The following BEST3 variants were observed in gnomAD, a reference collection of about 807,000 sequenced individuals.
BEST3 encodes bestrophin 3.
A neutral mutation model predicts 47.1 loss-of-function variants in BEST3; 50 were observed. The ratio of observed to expected loss-of-function variants is 1.06; its 90% CI spans 0.85 to 1.34. The LOEUF (loss-of-function observed/expected upper bound fraction) is 1.34. Ranked by LOEUF, BEST3 falls within the 40% of genes most tolerant of loss-of-function variation. The pLI, the probability that BEST3 is intolerant of heterozygous loss-of-function variation, is 0.00. For missense variants in BEST3, 765 were observed against 817.0 expected, an observed-to-expected ratio of 0.94 and a Z score of 0.78; for synonymous variants, 282 against 298.8, an observed-to-expected ratio of 0.94 and a Z score of 0.58.
chr12:69,697,812 T>C lies in BEST3; in HGVS notation c.-14A>G, dbSNP rs1886191253. ...AGTGACAGTCATCTTGGATAGTTTT[T>C]TCTAGAAGAGCAAGAAGACAAAACA... On this transcript the variant is annotated splice_region_variant and 5_prime_UTR_variant, in exon 2 of 10. Coordinates refer to ENST00000330891, the MANE Select transcript of BEST3 (RefSeq NM_032735.3). The C allele has an allele frequency of 2.5e-6, 4 of 1,597,578 alleles. No homozygotes were observed. Among genetic ancestry groups the C allele is most frequent in the Non-Finnish European group, 3.4e-6 (4 of 1,174,848 alleles).
Position 69,667,295 on chromosome 12 carries a change from T to G in BEST3, c.1100+4133A>C, listed in dbSNP as rs540865142. On this transcript the variant is annotated intron_variant, in intron 9 of 9. Transcript: ENST00000330891. The stretch of plus-strand genomic sequence containing the variant: ...CACTGGCTCCTAATTCATTCTTTTT[T>G]TCTTTTTTTGAGATGGAGTTTTGCT... 5.3e-5 allele frequency among the ~76,000 whole-genome samples: 8 copies of G among 152,264 alleles called. No homozygotes were observed. In the South Asian group the frequency reaches 8.3e-4, roughly 16 times the overall value.
chr12:69,650,033 A>G (rs1046522614), downstream of BEST3, among the ~76,000 whole-genome samples: 1 of 152,252 alleles, frequency 6.6e-6, no homozygotes, highest in Non-Finnish European at 1.5e-5. Flanking sequence ...ATTAACTCAG[A>G]GACAAAACAA....
intron 4 of BEST3, among the ~76,000 whole-genome samples, chr12:69,690,815 A>G (rs1885894875): frequency 6.6e-6 from 1 of 152,196 alleles, no homozygotes; most frequent in Non-Finnish European, 1.5e-5. Context: ...TGAGCTGTCT[A>G]GTAGCATTTT....
At chr12:69,670,492 G>T (rs997779250) in intron 9 of BEST3, 4 of 702,888 alleles carry the variant, frequency 5.7e-6, no homozygotes, top group Non-Finnish European at 1.0e-5. Flanking sequence ...AGCCTCAGAG[G>T]CCCCTTTGGA....
At chr12:69,677,378 T>C (rs1274144728) in intron 5 of BEST3, 121 bp from the exon 6 acceptor site, 1 of 840,414 alleles carries the variant, frequency 1.2e-6, no homozygotes, top group African/African-American at 1.7e-5. Context: ...AGTAAACTGA[T>C]TCCCAAGGAT....
chr12:69,671,123 A>G (rs1884542401), intron 9 of BEST3, among the ~76,000 whole-genome samples: 1 of 152,200 alleles, frequency 6.6e-6, no homozygotes, highest in Admixed American at 6.5e-5. Context: ...CTATCTGTTC[A>G]TTTCCTAGAT....
intron 4 of BEST3, among the ~76,000 whole-genome samples, chr12:69,680,044 A>G (rs1333287485): frequency 6.6e-6 from 1 of 152,098 alleles, no homozygotes; most frequent in African/African-American, 2.4e-5. Context: ...GAATTACCTG[A>G]GATGATGAAC....
chr12:69,644,871 T>C (rs1182661650), intron 9 of BEST3, among the ~76,000 whole-genome samples: 1 of 152,244 alleles, frequency 6.6e-6, no homozygotes, highest in African/African-American at 2.4e-5. Flanking sequence ...ATTTTTAGTA[T>C]AATTGATAAA....
chr12:69,677,387 A>T, intron 5 of BEST3, 130 bp from the exon 6 acceptor site: 1 of 795,342 alleles, frequency 1.3e-6, no homozygotes, highest in Non-Finnish European at 2.1e-6. Context: ...ATTCCCAAGG[A>T]TACTCCAAAA....
chr12:69,697,544 T>C, intron 2 of BEST3, 103 bp downstream of exon 2: 1 of 913,624 alleles, frequency 1.1e-6, no homozygotes, highest in South Asian at 2.2e-5. Context: ...AAAAAAGGAG[T>C]TCCATAATGC....
chr12:69,693,599 AGAATTTTCAAAGGAATTCTGGAGGT>A, intron 4 of BEST3, 50 bp downstream of exon 4: 1 of 1,241,042 alleles, frequency 8.1e-7, no homozygotes, highest in Non-Finnish European at 1.2e-6. Flanking sequence ...ACAAACATAA[AGAATTTTCAAAGGAATTCTGGAGGT>A]CCTGTCTCAG....
At chr12:69,656,412 T>C (rs1276579960) in intron 9 of BEST3, among the ~76,000 whole-genome samples, 1 of 151,638 alleles carries the variant, frequency 6.6e-6, no homozygotes, top group Non-Finnish European at 1.5e-5. Flanking sequence ...TCATCTAGTA[T>C]ATGTTCTTTC....
At chr12:69,676,849 A>G in intron 7 of BEST3, 67 bp downstream of exon 7, 10 of 1,499,544 alleles carry the variant, frequency 6.7e-6, no homozygotes, top group Non-Finnish European at 8.2e-6. Flanking sequence ...AAGACTCAGT[A>G]AAGGATTAGT....
At position 69,694,411 on chromosome 12, in the gene BEST3, C is replaced by G. The variant is rs777317797; in HGVS notation, c.206G>C (p.Cys69Ser). ...KRYFEKLSIY[C>S]DRYAEQIPVT... ...TGGAATTTGTTCAGCATATCTGTCA[C>G]AGTAAATTGATAATTTTTCAAAGTA... Residue 69 changes from cysteine (C) to serine (S), a missense_variant, in exon 3 of 10, where the codon TGT becomes TCT. Transcript: ENST00000330891. The G allele has an allele frequency of 8.1e-6, 13 of 1,609,432 alleles. No individual in the cohort carries two copies. In the South Asian group the frequency reaches 1.4e-4, roughly 18 times the overall value.
At chr12:69,658,320 A>G (rs1380367220) in intron 9 of BEST3, among the ~76,000 whole-genome samples, 1 of 152,224 alleles carries the variant, frequency 6.6e-6, no homozygotes, top group East Asian at 1.9e-4. Flanking sequence ...GGTATAGGAC[A>G]TATGTATTAT....
intron 5 of BEST3, among the ~76,000 whole-genome samples, chr12:69,678,307 T>G (rs775492): frequency 0.85 from 129,890 of 152,006 alleles, 55,871 homozygotes; most frequent in Middle Eastern, 0.99. Flanking sequence ...CTAGAGTATC[T>G]GAAAGGCTGG....
Position 69,686,780 on chromosome 12 carries a change from A to G in BEST3, c.481+6894T>C, listed in dbSNP as rs199869189. ...GAGCAAGATTCTGCCTCAAAAAAAC[A>G]AAAAAAAAAGAAAGAAAAGAAAAAA... On this transcript the variant is annotated intron_variant, in intron 4 of 9. Transcript: ENST00000330891. Among the ~76,000 whole-genome samples the G allele has an allele frequency of 6.5e-4, 34 of 52,702 alleles. No homozygotes were observed. In the East Asian group the frequency reaches 6.9e-3, roughly 11 times the overall value. The allele number at this position is 52,702 out of a possible 152,430, so 34.6% of individuals were successfully genotyped here.
intron 4 of BEST3, among the ~76,000 whole-genome samples, chr12:69,680,178 A>G (rs573338384): frequency 7.9e-5 from 12 of 152,188 alleles, no homozygotes; most frequent in South Asian, 4.2e-4. Flanking sequence ...CACCAAGGGA[A>G]GGGGAGATTG....
At position 69,653,621 on chromosome 12, in the gene BEST3, T is replaced by C; in HGVS notation, c.*1286A>G. The stretch of plus-strand genomic sequence containing the variant: ...ACTCAATAAATGGTAGTTTTGAGGG[T>C]TATTTTATTTCTAAAGCCATATGTA... On this transcript the variant is annotated 3_prime_UTR_variant, in exon 10 of 10. Transcript: ENST00000330891. 1.0e-6 allele frequency: 1 copy of C among 984,640 alleles called. No homozygotes were observed. The highest frequency in any genetic ancestry group is 1.2e-6 in the Non-Finnish European group (1 of 829,260). The allele number at this position is 984,640 out of a possible 1,614,324, so 61.0% of individuals were successfully genotyped here.
Sources: allele counts gnomAD v4.1 joint callset (sites outside exome capture counted in the v4.1 genomes callset), GRCh38; gene constraint gnomAD v4.1.1; transcripts MANE v1.5; gene names NCBI Gene and HGNC (gene_info 2026-07-23, HGNC 2026-07-21).